The following MECOM variants were observed in gnomAD, a reference collection of about 807,000 sequenced individuals.
MECOM encodes MDS1 and EVI1 complex locus, also known as histone-lysine N-methyltransferase MECOM.
In MECOM, 13 loss-of-function variants were observed where a neutral mutation model predicts 116.3. The ratio of observed to expected loss-of-function variants is 0.11; its 90% confidence interval spans 0.07 to 0.18. The LOEUF is 0.18. MECOM is among the 10% of genes least tolerant of loss of function. The pLI is 1.00. For missense variants in MECOM, 1,299 were observed against 1,509.0 expected, an observed-to-expected ratio of 0.86 and a Z score of 2.31; for synonymous variants, 528 against 535.2, an observed-to-expected ratio of 0.99 and a Z score of 0.19.
chr3:169,575,909 A>G (rs1764440718), intron 1 of MECOM, among the ~76,000 whole-genome samples: 2 of 152,184 alleles, frequency 1.3e-5, no homozygotes, highest in Non-Finnish European at 2.9e-5. Context: ...AGCTCAGCCT[A>G]GCATTTCCCT....
intron 1 of MECOM, among the ~76,000 whole-genome samples, chr3:169,454,705 A>G (rs1746187833): frequency 6.6e-6 from 1 of 152,226 alleles, no homozygotes; most frequent in Non-Finnish European, 1.5e-5. Context: ...ATAAATTATT[A>G]TTCAAAAGTT....
intron 1 of MECOM, among the ~76,000 whole-genome samples, chr3:169,478,116 G>A (rs573428093): frequency 5.9e-5 from 9 of 152,318 alleles, no homozygotes; most frequent in African/African-American, 1.9e-4. Context: ...AAATGGCTCG[G>A]AGCCTGACAC....
At chr3:169,504,163 G>A (rs1209311032) in intron 1 of MECOM, among the ~76,000 whole-genome samples, 1 of 114,778 alleles carries the variant, frequency 8.7e-6, no homozygotes, top group Non-Finnish European at 1.9e-5. Flanking sequence ...GTGTGTGTGT[G>A]TGTGTGTGTG....
intron 2 of MECOM, among the ~76,000 whole-genome samples, chr3:169,336,358 G>A (rs1723588154): frequency 6.6e-6 from 1 of 151,616 alleles, no homozygotes; most frequent in Non-Finnish European, 1.5e-5. Flanking sequence ...TCAAATAAAA[G>A]CTCACCACAA....
chr3:169,283,468 A>G (rs536088650), intron 2 of MECOM, among the ~76,000 whole-genome samples: 1 of 152,304 alleles, frequency 6.6e-6, no homozygotes, highest in African/African-American at 2.4e-5. Context: ...CTTGCTTGCC[A>G]GGAAAAATAA....
intron 2 of MECOM, among the ~76,000 whole-genome samples, chr3:169,219,548 C>T (rs1335767378): frequency 6.6e-6 from 1 of 151,850 alleles, no homozygotes. Flanking sequence ...TGAGATCATT[C>T]CTAGGTTAGA....
At chr3:169,453,549 G>A (rs1745958363) in intron 1 of MECOM, among the ~76,000 whole-genome samples, 1 of 152,144 alleles carries the variant, frequency 6.6e-6, no homozygotes, top group African/African-American at 2.4e-5. Flanking sequence ...ATTAGGAAAA[G>A]GAGGAGTACT....
intron 2 of MECOM, among the ~76,000 whole-genome samples, chr3:169,257,652 G>A (rs978650734): frequency 1.1e-4 from 16 of 152,156 alleles, no homozygotes; most frequent in Non-Finnish European, 2.4e-4. Flanking sequence ...CAGCCAAGGA[G>A]GGCAAAAGTG....
intron 1 of MECOM, chr3:169,466,892 G>A (rs997304913): frequency 1.3e-5 from 2 of 152,068 alleles, no homozygotes; most frequent in African/African-American, 4.8e-5. Flanking sequence ...GTGAACTAGT[G>A]GACTTGTTTT....
chr3:169,227,376 G>A (rs1752863379), intron 2 of MECOM, among the ~76,000 whole-genome samples: 1 of 152,062 alleles, frequency 6.6e-6, no homozygotes, highest in African/African-American at 2.4e-5. Context: ...TTAAAATTCT[G>A]TCTCCTACCT....
At chr3:169,591,397 G>A (rs1560468904) in intron 1 of MECOM, among the ~76,000 whole-genome samples, 1 of 152,200 alleles carries the variant, frequency 6.6e-6, no homozygotes, top group Non-Finnish European at 1.5e-5. Context: ...TTTGTAGGCT[G>A]TGGACGGAGA....
intron 1 of MECOM, among the ~76,000 whole-genome samples, chr3:169,658,067 T>C (rs1775745810): frequency 6.6e-6 from 1 of 152,172 alleles, no homozygotes; most frequent in Non-Finnish European, 1.5e-5. Flanking sequence ...AATTCCCTGG[T>C]AAACTCTGAA....
At chr3:169,422,706 C>A (rs1739967368) in intron 1 of MECOM, among the ~76,000 whole-genome samples, 1 of 152,066 alleles carries the variant, frequency 6.6e-6, no homozygotes, top group South Asian at 2.1e-4. Flanking sequence ...GGCAGAGATT[C>A]ACCTACCCAG....
intron 2 of MECOM, among the ~76,000 whole-genome samples, chr3:169,236,712 T>C (rs1461657642): frequency 6.6e-6 from 1 of 152,224 alleles, no homozygotes; most frequent in African/African-American, 2.4e-5. Flanking sequence ...TTTGACTGTA[T>C]GTAATAGATG....
chr3:169,578,408 C>T (rs1764754410), intron 1 of MECOM, among the ~76,000 whole-genome samples: 1 of 152,108 alleles, frequency 6.6e-6, no homozygotes, highest in Non-Finnish European at 1.5e-5. Flanking sequence ...ATATTGCCTA[C>T]TTTCTGTAGC....
At chr3:169,562,666 C>T (rs985594855) in intron 1 of MECOM, among the ~76,000 whole-genome samples, 2 of 152,158 alleles carry the variant, frequency 1.3e-5, no homozygotes, top group African/African-American at 4.8e-5. Context: ...CTTCCCAAAA[C>T]CCCAAACTCT....
chr3:169,537,176 G>C (rs1308926446), intron 1 of MECOM, among the ~76,000 whole-genome samples: 2 of 152,098 alleles, frequency 1.3e-5, no homozygotes, highest in Non-Finnish European at 2.9e-5. Flanking sequence ...CCAACAAGAA[G>C]AATTATTTCC....
Position 169,472,637 on chromosome 3 carries a change from G to GAAAA in MECOM, c.38-91114_38-91113insTTTT, listed in dbSNP as rs1749687901. 7.1e-3 allele frequency among the ~76,000 whole-genome samples: 522 copies of GAAAA among 73,118 alleles called. 76 individuals carry two copies. Among genetic ancestry groups the GAAAA allele is most frequent in the African/African-American group, 0.032 (400 of 12,326 alleles). The allele number at this position is 73,118 out of a possible 152,430, so 48.0% of individuals were successfully genotyped here. A position where few individuals can be genotyped will look rare whatever the true frequency, so the allele number is the denominator to read the frequency against. Reference sequence around the variant, plus strand: ...GGAAAGAAAAGAAAAGAAAAGAAAAGGAAAGGAAAGGAAAAGAAAAGAAAG... The same window carrying GAAAA: ...GGAAAGAAAAGAAAAGAAAAGAAAAGAAAAGAAAGGAAAGGAAAAGAAAAGAAAG... On this transcript the variant is annotated intron_variant, in intron 1 of 16. Coordinates refer to ENST00000651503, the MANE Select transcript of MECOM (RefSeq NM_004991.4).
At chr3:169,414,345 T>C (rs529255842) in intron 1 of MECOM, among the ~76,000 whole-genome samples, 188 of 152,032 alleles carry the variant, frequency 1.2e-3, no homozygotes, top group African/African-American at 4.4e-3. Context: ...AGCATCAACA[T>C]CTACAAAAAG....
Sources: allele counts gnomAD v4.1 joint callset (sites outside exome capture counted in the v4.1 genomes callset), GRCh38; gene constraint gnomAD v4.1.1; transcripts MANE v1.5; gene names NCBI Gene and HGNC (gene_info 2026-07-23, HGNC 2026-07-21).